USP25: variants seen among roughly 807,000 people sequenced by gnomAD.
USP25 encodes the protein ubiquitin specific peptidase 25.
A neutral mutation model predicts 158.5 loss-of-function variants in USP25; 85 were observed. That is an observed-to-expected ratio of 0.54 (90% CI 0.45 to 0.64). The LOEUF (loss-of-function observed/expected upper bound fraction) is 0.64. Ranked by LOEUF, USP25 falls within the 30% of genes least tolerant of loss-of-function variation. USP25 has a pLI of 0.00. For missense variants in USP25, 1,242 were observed against 1,327.3 expected (o/e 0.94, Z 1.00); for synonymous variants, 464 against 460.4 (o/e 1.01, Z -0.10).
chr21:15,846,792 GATAA>G (rs967646522), intron 18 of USP25, among the ~76,000 whole-genome samples: 1 of 152,050 alleles, frequency 6.6e-6, no homozygotes, highest in African/African-American at 2.4e-5. Context: ...TGTTGAATAA[GATAA>G]ATAAGTATGT....
At chr21:15,838,317 C>T (rs1246999991) in intron 17 of USP25, among the ~76,000 whole-genome samples, 1 of 152,042 alleles carries the variant, frequency 6.6e-6, no homozygotes, top group African/African-American at 2.4e-5. Context: ...TTAATAAGTT[C>T]ATTCCCTATG....
chr21:15,740,550 C>T (rs1379143617), intron 1 of USP25, among the ~76,000 whole-genome samples: 2 of 151,158 alleles, frequency 1.3e-5, no homozygotes, highest in Non-Finnish European at 2.9e-5. Context: ...CCTCTTACTC[C>T]TGGAGGCACA....
At chr21:15,755,880 G>A (rs149410551) in intron 1 of USP25, among the ~76,000 whole-genome samples, 12 of 152,300 alleles carry the variant, frequency 7.9e-5, no homozygotes, top group African/African-American at 2.9e-4. Flanking sequence ...AGTGGAGGAT[G>A]CAGGCAATTT....
intron 1 of USP25, among the ~76,000 whole-genome samples, chr21:15,761,874 C>T (rs978848451): frequency 1.3e-5 from 2 of 152,142 alleles, no homozygotes; most frequent in African/African-American, 4.8e-5. Context: ...TAAAAACTTG[C>T]CTTGATGTCT....
At chr21:15,831,280 T>C in intron 15 of USP25, 121 bp from the exon 16 acceptor site, 1 of 861,078 alleles carries the variant, frequency 1.2e-6, no homozygotes, top group Non-Finnish European at 1.8e-6. Flanking sequence ...CAGTTCTCTC[T>C]CATTTAAAAA....
intron 20 of USP25, among the ~76,000 whole-genome samples, chr21:15,853,755 G>C (rs1019609847): frequency 1.4e-4 from 21 of 151,830 alleles, no homozygotes; most frequent in Non-Finnish European, 2.1e-4. Flanking sequence ...TGCAATTAGG[G>C]TTATGTTAGC....
chr21:15,803,185 AC>A (rs1470675896), intron 6 of USP25, among the ~76,000 whole-genome samples: 1 of 151,780 alleles, frequency 6.6e-6, no homozygotes, highest in African/African-American at 2.4e-5. Flanking sequence ...CATTTAAAGA[AC>A]AAATGATAAC....
intron 21 of USP25, 71 bp downstream of exon 21, chr21:15,864,517 T>C: frequency 7.3e-7 from 1 of 1,372,610 alleles, no homozygotes; most frequent in Non-Finnish European, 9.8e-7. Flanking sequence ...CCCAGGATAA[T>C]TTTTTGAGTA....
At chr21:15,783,645 G>T (rs924308179) in intron 4 of USP25, among the ~76,000 whole-genome samples, 3 of 151,996 alleles carry the variant, frequency 2.0e-5, no homozygotes, top group Non-Finnish European at 4.4e-5. Flanking sequence ...AATATATCCG[G>T]CAGTGCTATC....
chr21:15,753,600 G>A (rs1224889459), intron 1 of USP25, among the ~76,000 whole-genome samples: 3 of 152,006 alleles, frequency 2.0e-5, no homozygotes, highest in African/African-American at 4.8e-5. Flanking sequence ...TAGTAAGTGG[G>A]CCTGACTTAT....
intron 9 of USP25, among the ~76,000 whole-genome samples, chr21:15,812,683 G>A (rs2036730770): frequency 1.3e-5 from 2 of 151,984 alleles, no homozygotes; most frequent in East Asian, 3.9e-4. Context: ...TGTCAATCCA[G>A]TGTTGAAGTC....
chr21:15,760,254 T>C (rs1324797165), intron 1 of USP25, among the ~76,000 whole-genome samples: 2 of 152,338 alleles, frequency 1.3e-5, no homozygotes, highest in Non-Finnish European at 1.5e-5. Flanking sequence ...TAAAGAAGTC[T>C]CATTCATTTG....
At chr21:15,868,567 A>T (rs1206736447) in intron 22 of USP25, among the ~76,000 whole-genome samples, 1 of 152,158 alleles carries the variant, frequency 6.6e-6, no homozygotes, top group Non-Finnish European at 1.5e-5. Context: ...ACTTGTTTTT[A>T]GATTCTGCAT....
chr21:15,777,518 A>G (rs1168218527), intron 3 of USP25, among the ~76,000 whole-genome samples: 2 of 152,174 alleles, frequency 1.3e-5, no homozygotes, highest in Non-Finnish European at 2.9e-5. Context: ...ACAGAATTTA[A>G]TACGTATGTA....
In USP25 at chr21:15,878,286, A is replaced by G. The variant is rs1472679656; in HGVS notation, c.3206-17A>G. The G allele has an allele frequency of 8.7e-6, 14 of 1,604,446 alleles. No homozygotes were observed. The highest frequency in any genetic ancestry group is 3.3e-4 in the Middle Eastern group (2 of 5,994). On this transcript the variant is annotated splice_polypyrimidine_tract_variant and intron_variant, in intron 25 of 25. Coordinates refer to ENST00000400183, the MANE Select transcript of USP25 (RefSeq NM_001283041.3). The stretch of plus-strand genomic sequence containing the variant: ...TAATTTCTATCTTTAGTTAGATTTA[A>G]TTGTTTGTATTTGCAGCACACCTCC...
At chr21:15,863,284 T>G (rs2146551062) in intron 20 of USP25, among the ~76,000 whole-genome samples, 1 of 152,174 alleles carries the variant, frequency 6.6e-6, no homozygotes, top group African/African-American at 2.4e-5. Flanking sequence ...GTATTTTTGT[T>G]TATAAAGAAA....
chr21:15,730,985 T>TG (rs1312006045), intron 1 of USP25, among the ~76,000 whole-genome samples: 1 of 132,230 alleles, frequency 7.6e-6, no homozygotes, highest in Non-Finnish European at 1.5e-5. Flanking sequence ...TGTTTTTTTT[T>TG]TTTTTTTTTT....
intron 17 of USP25, among the ~76,000 whole-genome samples, chr21:15,841,535 C>T (rs1004202422): frequency 3.3e-5 from 5 of 152,130 alleles, no homozygotes; most frequent in Non-Finnish European, 7.4e-5. Flanking sequence ...TGCATGGACT[C>T]TCCATTCTTC....
Position 15,805,326 on chromosome 21 carries a change from C to T in USP25, c.780+68C>T, listed in dbSNP as rs145318543. The T allele has an allele frequency of 2.9e-4, 396 of 1,378,160 alleles. 3 individuals are homozygous for T. The East Asian group carries it at 0.011, about 37-fold the overall frequency. 85.4% of individuals were successfully genotyped at this position (1,378,160 alleles called of 1,614,324 possible). On this transcript the variant is annotated intron_variant, in intron 7 of 25. Transcript: ENST00000400183. ...AATCTGAACAATATTAAGCACCTTT[C>T]CCAAGAATATGAGACTATTTGAGAT...
Sources: allele counts gnomAD v4.1 joint callset (sites outside exome capture counted in the v4.1 genomes callset), GRCh38; gene constraint gnomAD v4.1.1; transcripts MANE v1.5; gene names NCBI Gene and HGNC (gene_info 2026-07-23, HGNC 2026-07-21).